Variants in FOXN3 observed in about 807,000 individuals in gnomAD.
FOXN3 encodes forkhead box protein N3.
Under a neutral mutation model 38.4 loss-of-function variants are expected in FOXN3, and 7 were observed. That is an observed-to-expected ratio of 0.18 (90% CI 0.10 to 0.34). The LOEUF is 0.34. FOXN3 is among the 10% of genes least tolerant of loss of function. The pLI, the probability that FOXN3 is intolerant of heterozygous loss-of-function variation, is 1.00. For synonymous variants in FOXN3, 230 were observed against 242.2 expected, an observed-to-expected ratio of 0.95 and a Z score of 0.47; for missense variants, 456 against 613.4, an observed-to-expected ratio of 0.74 and a Z score of 2.71.
At chr14:89,515,905 T>C (rs896154188) in intron 1 of FOXN3, among the ~76,000 whole-genome samples, 3 of 152,192 alleles carry the variant, frequency 2.0e-5, no homozygotes, top group Non-Finnish European at 4.4e-5. Flanking sequence ...GCATGTAAAG[T>C]ACCATCATTG....
At chr14:89,392,241 C>T (rs1344566076) in intron 2 of FOXN3, among the ~76,000 whole-genome samples, 4 of 152,196 alleles carry the variant, frequency 2.6e-5, no homozygotes, top group East Asian at 1.9e-4. Context: ...CTCTCTGGAT[C>T]GTTCCCTCCT....
rs959317628 is a variant in FOXN3, at chr14:89,281,111, T to C, written c.681-97A>G. On this transcript the variant is annotated intron_variant, in intron 3 of 5. Coordinates refer to ENST00000557258, the MANE Select transcript of FOXN3 (RefSeq NM_005197.4). The stretch of plus-strand genomic sequence containing the variant: ...TTCCCTCAAAACATTTCCCCAAGTA[T>C]GCATTACTGACACCCTTTGAAAATG... The C allele has an allele frequency of 4.7e-6, 5 of 1,074,426 alleles. No homozygotes were observed. The African/African-American group carries it at 4.7e-5, about 10-fold the overall frequency. The allele number at this position is 1,074,426 out of a possible 1,614,324, so 66.6% of individuals were successfully genotyped here. A position where few individuals can be genotyped will look rare whatever the true frequency, so the allele number is the denominator to read the frequency against.
chr14:89,606,057 T>C (rs1389337693), intron 1 of FOXN3, among the ~76,000 whole-genome samples: 2 of 152,012 alleles, frequency 1.3e-5, no homozygotes, highest in East Asian at 3.9e-4. Flanking sequence ...ATATAAATGA[T>C]ATCACAAATG....
chr14:89,182,826 A>C (rs529782828), intron 4 of FOXN3, among the ~76,000 whole-genome samples: 16 of 152,376 alleles, frequency 1.1e-4, no homozygotes, highest in South Asian at 4.1e-4. Context: ...ACTCACACGC[A>C]TGTGGTCAAC....
At chr14:89,421,490 G>A (rs1034601543), upstream of FOXN3, among the ~76,000 whole-genome samples, 11 of 150,168 alleles carry the variant, frequency 7.3e-5, no homozygotes, top group East Asian at 6.0e-4. Flanking sequence ...GCAATTGTCC[G>A]TGTGGGCAAT....
rs182615945 is a variant in FOXN3, at chr14:89,422,900, C to A, written c.-14-10410G>T. Among the ~76,000 whole-genome samples the A allele has an allele frequency of 5.9e-5, 9 of 152,246 alleles. No individual in the cohort carries two copies. The South Asian group carries it at 1.9e-3, about 32-fold the overall frequency. ...TGAAGTTCATCAGCTCAGGTGCCCT[C>A]GCCAAACCTGAGCTTGTCAAGCCGG... On this transcript the variant is annotated intron_variant, in intron 1 of 6. Transcript: ENST00000345097.
At chr14:89,288,358 C>T (rs1886701526) in intron 3 of FOXN3, among the ~76,000 whole-genome samples, 1 of 152,154 alleles carries the variant, frequency 6.6e-6, no homozygotes, top group African/African-American at 2.4e-5. Context: ...CAACTGATTT[C>T]AAAGGTATCA....
At chr14:89,372,986 G>A (rs1890366899) in intron 2 of FOXN3, among the ~76,000 whole-genome samples, 1 of 152,010 alleles carries the variant, frequency 6.6e-6, no homozygotes, top group Non-Finnish European at 1.5e-5. Context: ...AGCAACATAG[G>A]AAAATCCCAT....
rs534692187 is a variant in FOXN3 at position 89,164,965 on chromosome 14, TG to T, written c.852-1997del. 6.2e-4 allele frequency among the ~76,000 whole-genome samples: 94 copies of T among 152,214 alleles called. 1 individual carries two copies. Among genetic ancestry groups the T allele is most frequent in the African/African-American group, 2.2e-3 (92 of 41,528 alleles). On this transcript the variant is annotated intron_variant, in intron 5 of 5. Coordinates refer to ENST00000557258, the MANE Select transcript of FOXN3 (RefSeq NM_005197.4). This position sits in a 1 kb window ranked among gnomAD's most constrained non-coding sequence, Gnocchi z 4.3. The stretch of plus-strand genomic sequence containing the variant: ...TGGGGCCCCAGGGCCGGTGGTATTT[TG>T]CTAAATTTAGGCTGGGGGAGAGACT...
At chr14:89,235,857 C>T (rs77098833) in intron 4 of FOXN3, among the ~76,000 whole-genome samples, 4,516 of 134,594 alleles carry the variant, frequency 0.034, 91 homozygotes, top group Middle Eastern at 0.075. Context: ...CCTATTTTAG[C>T]CCCCCAAGAC....
intron 2 of FOXN3, among the ~76,000 whole-genome samples, chr14:89,375,153 T>G (rs1890439332): frequency 6.6e-6 from 1 of 152,166 alleles, no homozygotes; most frequent in Admixed American, 6.5e-5. Flanking sequence ...CTTTTCATGA[T>G]GAAACTGTTC....
intron 1 of FOXN3, among the ~76,000 whole-genome samples, chr14:89,442,216 G>A (rs2139697692): frequency 6.6e-6 from 1 of 152,218 alleles, no homozygotes; most frequent in Non-Finnish European, 1.5e-5. Context: ...GTGAGCCACC[G>A]CGCCCGGGTG....
intron 5 of FOXN3, among the ~76,000 whole-genome samples, chr14:89,175,603 C>T (rs574857744): frequency 3.3e-5 from 5 of 152,280 alleles, no homozygotes; most frequent in South Asian, 4.2e-4. Context: ...GGCAGACACA[C>T]GTTTCCTCTT....
intron 2 of FOXN3, among the ~76,000 whole-genome samples, chr14:89,351,482 T>A (rs191375023): frequency 3.3e-4 from 50 of 152,318 alleles, no homozygotes; most frequent in African/African-American, 1.2e-3. Flanking sequence ...TCTTTAGAAG[T>A]CAAACTTTAA....
chr14:89,602,092 G>C (rs188261596), intron 1 of FOXN3, among the ~76,000 whole-genome samples: 1 of 152,138 alleles, frequency 6.6e-6, no homozygotes. Flanking sequence ...AAGAAAACCT[G>C]AGCCTGGTCA....
rs1253605050 is a variant in FOXN3, at chr14:89,163,674, A to C, written c.852-705T>G. ...CAATAAACTACGACTTCCCGAACTC[A>C]ACACCTGCCAGGCGCTCTGCTAAGT... On this transcript the variant is annotated intron_variant, in intron 5 of 5. Coordinates refer to ENST00000557258, the MANE Select transcript of FOXN3 (RefSeq NM_005197.4). The surrounding 1 kb of genome is among the most constrained non-coding windows in gnomAD (Gnocchi z 4.3). 6.6e-6 allele frequency among the ~76,000 whole-genome samples: 1 copy of C among 152,126 alleles called. No individual in the cohort carries two copies. Among genetic ancestry groups the C allele is most frequent in the East Asian group, 1.9e-4 (1 of 5,188 alleles).
chr14:89,347,242 C>T (rs1468378284), intron 3 of FOXN3, among the ~76,000 whole-genome samples: 1 of 152,174 alleles, frequency 6.6e-6, no homozygotes, highest in Non-Finnish European at 1.5e-5. Flanking sequence ...AAAGATGGGC[C>T]TCTAAGCCAA....
intron 3 of FOXN3, chr14:89,290,605 CT>C: frequency 1.9e-6 from 1 of 539,576 alleles, no homozygotes; most frequent in Non-Finnish European, 3.6e-6. Context: ...TTCCTGTCTT[CT>C]TGGTACTCTG....
chr14:89,265,526 T>G (rs1245773010), intron 4 of FOXN3, among the ~76,000 whole-genome samples: 1 of 151,662 alleles, frequency 6.6e-6, no homozygotes, highest in Non-Finnish European at 1.5e-5. Flanking sequence ...TGACTTAAAC[T>G]AGTGGTAGAG....
Sources: allele counts gnomAD v4.1 joint callset (sites outside exome capture counted in the v4.1 genomes callset), GRCh38; gene constraint gnomAD v4.1.1; non-coding constraint Gnocchi (gnomAD v3.1); transcripts MANE v1.5; gene names NCBI Gene and HGNC (gene_info 2026-07-23, HGNC 2026-07-21).